NGF: variants seen among roughly 807,000 people sequenced by gnomAD.
The protein encoded by NGF is beta-nerve growth factor.
A neutral mutation model predicts 12.8 loss-of-function variants in NGF; 4 were observed. The observed-to-expected ratio is 0.31, with a 90% CI of 0.15 to 0.72. The LOEUF (loss-of-function observed/expected upper bound fraction) is 0.72. Ranked by LOEUF, NGF falls within the 30% of genes least tolerant of loss-of-function variation. The pLI, the probability that NGF is intolerant of heterozygous loss-of-function variation, is 0.69. For missense variants in NGF, 283 were observed against 330.8 expected (o/e 0.86, Z 1.12); for synonymous variants, 140 against 130.0 (o/e 1.08, Z -0.52).
intron 1 of NGF, among the ~76,000 whole-genome samples, chr1:115,325,701 G>T (rs1431496623): frequency 6.6e-6 from 1 of 152,164 alleles, no homozygotes; most frequent in African/African-American, 2.4e-5. Context: ...GGCAGGAGAT[G>T]CAGGAAGAGG....
At chr1:115,324,156 G>T (rs1399005303) in intron 1 of NGF, among the ~76,000 whole-genome samples, 2 of 152,140 alleles carry the variant, frequency 1.3e-5, no homozygotes, top group Non-Finnish European at 2.9e-5. Flanking sequence ...GTTACATGTG[G>T]TGTTACTGTC....
At chr1:115,321,585 TG>T (rs1654628401) in intron 1 of NGF, among the ~76,000 whole-genome samples, 1 of 45,822 alleles carries the variant, frequency 2.2e-5, no homozygotes, top group Non-Finnish European at 3.7e-5. Flanking sequence ...GATGTGTGTG[TG>T]TGTGTGTGTG....
chr1:115,308,635 C>A (rs950669367), intron 1 of NGF, among the ~76,000 whole-genome samples: 12 of 151,842 alleles, frequency 7.9e-5, no homozygotes, highest in Admixed American at 7.2e-4. Flanking sequence ...CTGTCATGGC[C>A]TTTTGTTATA....
At chr1:115,292,052 C>A (rs1653718615) in intron 2 of NGF, among the ~76,000 whole-genome samples, 1 of 152,108 alleles carries the variant, frequency 6.6e-6, no homozygotes, top group East Asian at 1.9e-4. Flanking sequence ...GAGAGTGGGC[C>A]AAGGGTCATT....
At chr1:115,334,932 T>G (rs1455826291) in intron 1 of NGF, among the ~76,000 whole-genome samples, 3 of 152,230 alleles carry the variant, frequency 2.0e-5, no homozygotes, top group Non-Finnish European at 4.4e-5. Context: ...ACAAAGCTAC[T>G]TCCCTTCCTT....
intron 1 of NGF, among the ~76,000 whole-genome samples, chr1:115,306,804 T>C (rs1400364677): frequency 2.0e-5 from 3 of 152,206 alleles, no homozygotes; most frequent in African/African-American, 7.2e-5. Context: ...AGAGGAAGGC[T>C]CTTCATCAGT....
chr1:115,329,125 GAAGAA>G (rs1368305590), intron 1 of NGF, among the ~76,000 whole-genome samples: 3 of 151,878 alleles, frequency 2.0e-5, no homozygotes, highest in Non-Finnish European at 4.4e-5. Flanking sequence ...GGAGGAGGAA[GAAGAA>G]GAGAAGGAGA....
chr1:115,312,855 T>C (rs1654370628), intron 1 of NGF, among the ~76,000 whole-genome samples: 1 of 152,224 alleles, frequency 6.6e-6, no homozygotes, highest in Admixed American at 6.5e-5. Context: ...ACTGTTGGAT[T>C]AGAAACAGCT....
At chr1:115,296,498 G>A (rs961086054) in intron 1 of NGF, among the ~76,000 whole-genome samples, 4 of 152,162 alleles carry the variant, frequency 2.6e-5, no homozygotes, top group African/African-American at 4.8e-5. Flanking sequence ...TGCATTCTTC[G>A]GGTGTCTACT....
chr1:115,288,590 C>T (rs1653590604), intron 2 of NGF, among the ~76,000 whole-genome samples: 1 of 152,152 alleles, frequency 6.6e-6, no homozygotes, highest in Admixed American at 6.5e-5. Flanking sequence ...CGTGTCTCAT[C>T]CACTTGTGTA....
intron 1 of NGF, among the ~76,000 whole-genome samples, chr1:115,330,506 G>C (rs2101055102): frequency 6.6e-6 from 1 of 152,318 alleles, no homozygotes; most frequent in African/African-American, 2.4e-5. Context: ...CCAGAGTAGT[G>C]CTGTCTTTCT....
chr1:115,299,731 AT>A (rs1245122715), intron 1 of NGF, among the ~76,000 whole-genome samples: 4 of 152,114 alleles, frequency 2.6e-5, no homozygotes, highest in African/African-American at 9.7e-5. Context: ...CAATCCAATA[AT>A]TTTTCAAACT....
chr1:115,337,247 A>ATT (rs561812677), intron 1 of NGF, among the ~76,000 whole-genome samples: 1 of 87,932 alleles, frequency 1.1e-5, no homozygotes, highest in Admixed American at 1.0e-4. Flanking sequence ...GAATCTCGAA[A>ATT]TTTTTTTTGT....
chr1:115,337,808 C>A (rs1016240736), intron 1 of NGF, among the ~76,000 whole-genome samples: 8 of 152,044 alleles, frequency 5.3e-5, no homozygotes, highest in African/African-American at 1.7e-4. Flanking sequence ...CCCGCCCTGG[C>A]GCGCCAGCTG....
At chr1:115,315,112 G>A (rs966541554) in intron 1 of NGF, among the ~76,000 whole-genome samples, 5 of 152,212 alleles carry the variant, frequency 3.3e-5, no homozygotes, top group Non-Finnish European at 5.9e-5. Context: ...CAGAGTTTTA[G>A]GAGATGACAG....
intron 1 of NGF, among the ~76,000 whole-genome samples, chr1:115,323,894 A>C (rs1654696964): frequency 6.6e-6 from 1 of 152,130 alleles, no homozygotes; most frequent in African/African-American, 2.4e-5. Flanking sequence ...TTCTCTTGGA[A>C]ACAGTGACAG....
intron 2 of NGF, among the ~76,000 whole-genome samples, chr1:115,290,475 AG>A (rs1433927144): frequency 1.5e-5 from 2 of 133,464 alleles, no homozygotes; most frequent in African/African-American, 2.9e-5. Context: ...GGCTCACTGC[AG>A]CCTTTGCCTC....
chr1:115,286,012 G>T lies in NGF; in HGVS notation c.*58C>A. The T allele has an allele frequency of 6.3e-7, 1 of 1,584,436 alleles. No homozygotes were observed. The highest frequency in any genetic ancestry group is 1.1e-5 in the South Asian group (1 of 87,826). On this transcript the variant is annotated 3_prime_UTR_variant, in exon 3 of 3. Coordinates refer to ENST00000369512, the MANE Select transcript of NGF (RefSeq NM_002506.3). The stretch of plus-strand genomic sequence containing the variant: ...TAATTTAAAATAATTTACAGGTTGA[G>T]GTAGGGAGGGGCCCAGGAGAGTGTA...
chr1:115,324,742 A>G (rs775501300), intron 1 of NGF, among the ~76,000 whole-genome samples: 4 of 152,176 alleles, frequency 2.6e-5, no homozygotes, highest in Non-Finnish European at 5.9e-5. Flanking sequence ...GGAAACTCAC[A>G]GGGCAGCCCA....
Sources: gnomAD v4.1 joint callset for allele counts (sites outside exome capture counted in the v4.1 genomes callset) on GRCh38, gnomAD v4.1.1 for gene constraint, MANE v1.5 for transcripts, NCBI Gene and HGNC (gene_info 2026-07-23, HGNC 2026-07-21) for gene names.